The following FIGNL2 variants were observed in gnomAD, a reference collection of about 807,000 sequenced individuals.
The protein encoded by FIGNL2 is fidgetin like 2, also known as fidgetin-like protein 2.
For synonymous variants in FIGNL2, 565 were observed against 484.0 expected, an observed-to-expected ratio of 1.17 and a Z score of -2.20; for missense variants, 1,060 against 950.2, an observed-to-expected ratio of 1.12 and a Z score of -1.52.
intron 1 of FIGNL2, chr12:51,845,560 A>G (rs1939735978): frequency 4.1e-6 from 4 of 985,314 alleles, no homozygotes; most frequent in Non-Finnish European, 4.8e-6. Flanking sequence ...GCAGCCCTGG[A>G]GCTTTGCAGA....
At chr12:51,844,047 G>A (rs1039581582) in intron 1 of FIGNL2, among the ~76,000 whole-genome samples, 7 of 152,048 alleles carry the variant, frequency 4.6e-5, no homozygotes, top group Non-Finnish European at 7.4e-5. Context: ...GTCACTAAGC[G>A]GGTCCCCAAG....
At position 51,848,561 on chromosome 12, in the gene FIGNL2, T is replaced by C. The variant is rs1189474626; in HGVS notation, c.-33A>G. ...GTACCTCGGCATCACGGCCGGGTCCTAGGTGAGTGTGCGCGGCCTGGGGGC... is the reference window on the plus strand; with the variant it reads ...GTACCTCGGCATCACGGCCGGGTCCCAGGTGAGTGTGCGCGGCCTGGGGGC... On this transcript the variant is annotated 5_prime_UTR_variant, in exon 1 of 2. It removes the in-frame stop codon of an upstream open reading frame in the 5' UTR. Transcript: ENST00000618634. 17 of 982,592 alleles carry C rather than the reference T, an allele frequency of 1.7e-5. No individual in the cohort carries two copies. Among genetic ancestry groups the C allele is most frequent in the Non-Finnish European group, 2.1e-5 (17 of 828,772 alleles). 60.9% of individuals were successfully genotyped at this position (982,592 alleles called of 1,614,324 possible).
chr12:51,831,776 GC>G (rs1158088102), intron 1 of FIGNL2: 1 of 154,356 alleles, frequency 6.5e-6, no homozygotes, highest in East Asian at 1.9e-4. Context: ...TTCCCTCTCT[GC>G]TGGGTCACTC....
chr12:51,822,511 C>T (rs1330442007), intron 1 of FIGNL2, 87 bp from the exon 2 acceptor site: 14 of 1,515,044 alleles, frequency 9.2e-6, no homozygotes, highest in African/African-American at 1.4e-5. Context: ...TCCGCCTAGA[C>T]TGCGGCTTGG....
In FIGNL2 at chr12:51,830,770, A is replaced by T. The variant is rs144603099; in HGVS notation, c.-11-8346T>A. On this transcript the variant is annotated intron_variant, in intron 1 of 1. Transcript: ENST00000618634. ...CCTCCTAAAGTGCTGGATTACAGGC[A>T]TGAGCCACCACACCCGGCCTACGCT... Among the ~76,000 whole-genome samples the T allele has an allele frequency of 2.3e-3, 354 of 151,764 alleles. 7 individuals are homozygous for T. Among genetic ancestry groups the T allele is most frequent in the African/African-American group, 8.3e-3 (343 of 41,366 alleles).
At chr12:51,828,433 G>C (rs983538350) in intron 1 of FIGNL2, 1 of 152,210 alleles carries the variant, frequency 6.6e-6, no homozygotes, top group Non-Finnish European at 1.5e-5. Context: ...AACCCCGCTT[G>C]ACTCTACCCA....
rs1187190140 is a variant in FIGNL2, at chr12:51,820,236, G to C, written c.*216C>G. ...GCGAGCTTCCAGTCCACAATAAATA[G>C]GAAAAACCTGAGTACACGGCGCATA... On this transcript the variant is annotated 3_prime_UTR_variant, in exon 2 of 2. Transcript: ENST00000618634. 6 of 618,416 alleles carry C rather than the reference G, an allele frequency of 9.7e-6. No homozygotes were observed. The highest frequency in any genetic ancestry group is 1.6e-5 in the Non-Finnish European group (6 of 375,126). The allele number at this position is 618,416 out of a possible 1,614,324, so 38.3% of individuals were successfully genotyped here.
chr12:51,833,206 A>C (rs891666437), intron 1 of FIGNL2, among the ~76,000 whole-genome samples: 1 of 151,814 alleles, frequency 6.6e-6, no homozygotes, highest in Admixed American at 6.6e-5. Context: ...GTGGGCCACC[A>C]CACCCAGCTA....
intron 1 of FIGNL2, among the ~76,000 whole-genome samples, chr12:51,825,619 C>T (rs866767190): frequency 2.3e-4 from 31 of 134,872 alleles, no homozygotes; most frequent in Non-Finnish European, 4.0e-4. Flanking sequence ...CCATGACACT[C>T]TTTTTTTTTT....
chr12:51,836,801 G>A (rs778165982), intron 1 of FIGNL2, among the ~76,000 whole-genome samples: 27 of 152,142 alleles, frequency 1.8e-4, no homozygotes, highest in Non-Finnish European at 3.7e-4. Context: ...CTTAATCCTC[G>A]TCCCAGGCTA....
chr12:51,837,555 G>A (rs540423922), intron 1 of FIGNL2, among the ~76,000 whole-genome samples: 7 of 152,302 alleles, frequency 4.6e-5, no homozygotes, highest in South Asian at 2.1e-4. Flanking sequence ...CGCCAGGCCC[G>A]ACTGCAACCT....
Position 51,821,447 on chromosome 12 carries a change from T to C in FIGNL2, c.967A>G (p.Lys323Glu). Residue 323 changes from lysine (K) to glutamate (E), a missense_variant, in exon 2 of 2, where the codon AAG (lysine) becomes GAG (glutamate). By Grantham distance (56) the Lys-to-Glu change is moderately conservative. Transcript: ENST00000618634. ...PPGAAEEASG[K>E]YGGGVPLKVL... ...TTGAGGGGGACGCCGCCACCGTACT[T>C]GCCCGACGCCTCCTCCGCGGCTCCT... 1 of 1,538,754 alleles carries C rather than the reference T, an allele frequency of 6.5e-7. No individual in the cohort carries two copies. The highest frequency in any genetic ancestry group is 8.7e-7 in the Non-Finnish European group (1 of 1,145,518).
chr12:51,824,351 A>G (rs559347652), intron 1 of FIGNL2: 1 of 152,372 alleles, frequency 6.6e-6, no homozygotes, highest in African/African-American at 2.4e-5. Flanking sequence ...CCTTCCTAGC[A>G]GCAGCTTGTT....
chr12:51,848,206 A>C (rs960637907), intron 1 of FIGNL2: 3 of 974,826 alleles, frequency 3.1e-6, no homozygotes, highest in East Asian at 1.2e-4. Context: ...TTGGCTCCCC[A>C]CCCCCAGGCC....
intron 1 of FIGNL2, chr12:51,824,108 A>G (rs1265919499): frequency 6.6e-6 from 1 of 152,220 alleles, no homozygotes; most frequent in Non-Finnish European, 1.5e-5. Context: ...CCCTTCCTCA[A>G]GGGACTTTAC....
chr12:51,820,563 G>A lies in FIGNL2; in HGVS notation c.1851C>T (p.Pro617=). The A allele has an allele frequency of 6.5e-7, 1 of 1,534,264 alleles. No individual in the cohort carries two copies. The highest frequency in any genetic ancestry group is 2.5e-5 in the East Asian group (1 of 40,670). The change falls in exon 2 of 2, where the codon CCC becomes CCT. Residue 617 remains proline, a synonymous_variant. Transcript: ENST00000618634. The part of the protein sequence containing the change: ...AGAGLPGLQR[P]LSYKDLEAAL... ...CCGCCTCCAGGTCCTTGTAGGAGAGGGGGCGCTGCAGCCCCGGGAGGCCCG... is the reference window on the plus strand; with the variant it reads ...CCGCCTCCAGGTCCTTGTAGGAGAGAGGGCGCTGCAGCCCCGGGAGGCCCG...
intron 1 of FIGNL2, among the ~76,000 whole-genome samples, chr12:51,837,209 G>A (rs1010969734): frequency 6.6e-6 from 1 of 152,072 alleles, no homozygotes; most frequent in Non-Finnish European, 1.5e-5. Flanking sequence ...GTGAATAAGC[G>A]ATCCATAAAA....
At chr12:51,833,640 C>T (rs543379873) in intron 1 of FIGNL2, among the ~76,000 whole-genome samples, 4 of 152,314 alleles carry the variant, frequency 2.6e-5, no homozygotes, top group Admixed American at 6.5e-5. Flanking sequence ...CACCTCAGTG[C>T]CCCTGCCTCT....
chr12:51,848,555 G>T lies in FIGNL2; in HGVS notation c.-27C>A, dbSNP rs1485589827. 1 of 983,314 alleles carries T rather than the reference G, an allele frequency of 1.0e-6. No homozygotes were observed. The highest frequency in any genetic ancestry group is 1.2e-6 in the Non-Finnish European group (1 of 829,126). The allele number at this position is 983,314 out of a possible 1,614,324, so 60.9% of individuals were successfully genotyped here. A position where few individuals can be genotyped will look rare whatever the true frequency, so the allele number is the denominator to read the frequency against. On this transcript the variant is annotated 5_prime_UTR_variant, in exon 1 of 2. Coordinates refer to ENST00000618634, the MANE Select transcript of FIGNL2 (RefSeq NM_001384995.1). Reference sequence around the variant, plus strand: ...GGCCCCGTACCTCGGCATCACGGCCGGGTCCTAGGTGAGTGTGCGCGGCCT... The same window carrying T: ...GGCCCCGTACCTCGGCATCACGGCCTGGTCCTAGGTGAGTGTGCGCGGCCT...
Sources: allele counts gnomAD v4.1 joint callset (sites outside exome capture counted in the v4.1 genomes callset), GRCh38; gene constraint gnomAD v4.1.1; transcripts MANE v1.5; gene names NCBI Gene and HGNC (gene_info 2026-07-23, HGNC 2026-07-21).